PLS3: variants seen among roughly 807,000 people sequenced by gnomAD.
PLS3 encodes the protein plastin-3.
In PLS3, 11 loss-of-function variants were observed where a neutral mutation model predicts 46.5. The observed-to-expected ratio is 0.24, with a 90% CI of 0.15 to 0.39. The LOEUF is 0.39. Among genes scored for constraint, PLS3 ranks in the 10% least tolerant of loss-of-function variants. The pLI, the probability that PLS3 is intolerant of heterozygous loss-of-function variation, is 1.00. For synonymous variants in PLS3, 167 were observed against 162.2 expected, an observed-to-expected ratio of 1.03 and a Z score of -0.22; for missense variants, 308 against 461.8, an observed-to-expected ratio of 0.67 and a Z score of 3.05.
At chrX:115,603,910 C>T (rs1556634934) in intron 1 of PLS3, among the ~76,000 whole-genome samples, 1 of 112,094 alleles carries the variant, frequency 8.9e-6, no homozygotes, top group Admixed American at 9.5e-5. Flanking sequence ...GCAAGTAATA[C>T]TTTCTCTTCA....
intron 1 of PLS3, among the ~76,000 whole-genome samples, chrX:115,577,287 C>G (rs2147424553): frequency 8.9e-6 from 1 of 111,798 alleles, no homozygotes; most frequent in Non-Finnish European, 1.9e-5. Context: ...AATGGAAATG[C>G]ATTAGCAATA....
chrX:115,635,320 TTATC>T (rs1393732856), intron 7 of PLS3, among the ~76,000 whole-genome samples: 1 of 110,326 alleles, frequency 9.1e-6, no homozygotes, highest in Non-Finnish European at 1.9e-5. Context: ...TCAAACTTGA[TTATC>T]TATTTTTTTC....
intron 1 of PLS3, among the ~76,000 whole-genome samples, chrX:115,606,103 G>T (rs1253862630): frequency 2.1e-5 from 2 of 96,366 alleles, no homozygotes; most frequent in Non-Finnish European, 4.2e-5. Flanking sequence ...GGCAGGAATG[G>T]TTTATGTCCA....
intron 5 of PLS3, among the ~76,000 whole-genome samples, chrX:115,631,978 A>G (rs1202216138): frequency 9.1e-6 from 1 of 109,323 alleles, no homozygotes; most frequent in Non-Finnish European, 1.9e-5. Context: ...TAATTTTTGT[A>G]TTTTTAGTAG....
intron 1 of PLS3, among the ~76,000 whole-genome samples, chrX:115,587,726 C>T (rs2074319168): frequency 9.9e-6 from 1 of 101,423 alleles, no homozygotes; most frequent in Non-Finnish European, 2.0e-5. Flanking sequence ...CAGAGCGAGA[C>T]TCCGTCTCAA....
chrX:115,579,220 A>T (rs782168394), intron 1 of PLS3, among the ~76,000 whole-genome samples: 1 of 111,996 alleles, frequency 8.9e-6, no homozygotes, highest in African/African-American at 3.2e-5. Context: ...TAGAGATTCA[A>T]CCTAAGTTGT....
At chrX:115,614,494 A>T (rs941417363) in intron 2 of PLS3, 2 of 749,527 alleles carry the variant, frequency 2.7e-6, no homozygotes, top group African/African-American at 2.3e-5. Flanking sequence ...GGAACTCATT[A>T]AACTGCCTCT....
At chrX:115,636,413 A>G (rs1216072962) in intron 7 of PLS3, among the ~76,000 whole-genome samples, 4 of 110,721 alleles carry the variant, frequency 3.6e-5, no homozygotes, top group African/African-American at 1.3e-4. Flanking sequence ...TCAGCGTGTT[A>G]GCCAGGATGG....
chrX:115,643,609 A>G (rs1351196074), intron 10 of PLS3, 101 bp downstream of exon 10: 2 of 470,712 alleles, frequency 4.2e-6, no homozygotes, highest in Non-Finnish European at 7.2e-6. Context: ...TTTTATATCT[A>G]CAAGAAGTAG....
chrX:115,619,962 A>G (rs782083814), intron 2 of PLS3, among the ~76,000 whole-genome samples: 19 of 112,722 alleles, frequency 1.7e-4, no homozygotes, highest in Non-Finnish European at 2.2e-4. Flanking sequence ...CTTAAAATAG[A>G]CTGCATTAAA....
At chrX:115,617,808 A>G (rs1556637019) in intron 2 of PLS3, among the ~76,000 whole-genome samples, 1 of 112,246 alleles carries the variant, frequency 8.9e-6, no homozygotes, top group East Asian at 2.8e-4. Flanking sequence ...TAGGGTGGCT[A>G]CTTCCTGGCA....
chrX:115,634,217 T>G lies in PLS3; in HGVS notation c.582+136T>G, dbSNP rs782639336. The G allele has an allele frequency of 1.6e-5, 7 of 451,433 alleles. No homozygotes were observed. The South Asian group carries it at 3.3e-4, about 21-fold the overall frequency. 37.2% of individuals were successfully genotyped at this position (451,433 alleles called of 1,213,427 possible). ...TTGAGTGTGGGATTGTTATCCAGAT[T>G]ATACAGACAGAACTGGGACTCAGAA... On this transcript the variant is annotated intron_variant, in intron 6 of 15. Transcript: ENST00000355899.
At chrX:115,593,376 G>A (rs55869927) in intron 1 of PLS3, among the ~76,000 whole-genome samples, 1,994 of 110,525 alleles carry the variant, frequency 0.018, 46 homozygotes, top group African/African-American at 0.061. Context: ...ACTTTTCTCT[G>A]TAAATGCTGC....
At chrX:115,582,910 A>G (rs1161123996) in intron 1 of PLS3, among the ~76,000 whole-genome samples, 1 of 111,737 alleles carries the variant, frequency 8.9e-6, no homozygotes, top group Non-Finnish European at 1.9e-5. Context: ...GCATGGTGGT[A>G]TGCATCTGGT....
At chrX:115,624,820 T>A (rs781862946) in intron 3 of PLS3, among the ~76,000 whole-genome samples, 1 of 111,910 alleles carries the variant, frequency 8.9e-6, no homozygotes, top group Non-Finnish European at 1.9e-5. Context: ...AGAATATACA[T>A]TTTAGAATTG....
intron 1 of PLS3, among the ~76,000 whole-genome samples, chrX:115,574,037 G>A (rs1393547842): frequency 1.8e-5 from 2 of 111,370 alleles, no homozygotes; most frequent in Admixed American, 9.6e-5. Flanking sequence ...GCAGGAATAC[G>A]TAGGATTTCA....
In PLS3 at chrX:115,648,025, A is replaced by G. The variant is rs369282870; in HGVS notation, c.1760+8A>G. On this transcript the variant is annotated splice_region_variant and intron_variant, in intron 15 of 15. Coordinates refer to ENST00000355899, the MANE Select transcript of PLS3 (RefSeq NM_005032.7). ...CAAGCACAATAATGCCAAGTAAGGG[A>G]GACTGCTAATAGTATGAAAAGAACG... 8.7e-6 allele frequency: 10 copies of G among 1,146,450 alleles called. No individual in the cohort carries two copies. The African/African-American group carries it at 1.6e-4, about 18-fold the overall frequency. 94.5% of individuals were successfully genotyped at this position (1,146,450 alleles called of 1,213,427 possible). A position where few individuals can be genotyped will look rare whatever the true frequency, so the allele number is the denominator to read the frequency against.
At chrX:115,580,764 T>TA (rs2147429177) in intron 1 of PLS3, among the ~76,000 whole-genome samples, 1 of 112,886 alleles carries the variant, frequency 8.9e-6, no homozygotes, top group Non-Finnish European at 1.9e-5. Context: ...TTAATAAAGT[T>TA]AAAAATGGTA....
At chrX:115,628,419 A>G (rs1246768388) in intron 3 of PLS3, among the ~76,000 whole-genome samples, 2 of 112,295 alleles carry the variant, frequency 1.8e-5, no homozygotes, top group Non-Finnish European at 3.8e-5. Context: ...CTCCTGTTTT[A>G]CTGGCTTTGA....
Sources: allele counts gnomAD v4.1 joint callset (sites outside exome capture counted in the v4.1 genomes callset), GRCh38; gene constraint gnomAD v4.1.1; transcripts MANE v1.5; gene names NCBI Gene and HGNC (gene_info 2026-07-23, HGNC 2026-07-21).